CTNNA1: variants seen among roughly 807,000 people sequenced by gnomAD.
CTNNA1 encodes the protein catenin alpha 1.
A neutral mutation model predicts 98.4 loss-of-function variants in CTNNA1; 37 were observed. The ratio of observed to expected loss-of-function variants is 0.38; its 90% CI spans 0.29 to 0.49. The LOEUF (loss-of-function observed/expected upper bound fraction) is 0.49, where lower values mean the gene tolerates loss of function less well. Among genes scored for constraint, CTNNA1 ranks in the 20% least tolerant of loss-of-function variants. CTNNA1 has a pLI of 0.95. For synonymous variants in CTNNA1, 404 were observed against 413.2 expected, an observed-to-expected ratio of 0.98 and a Z score of 0.27; for missense variants, 761 against 1,147.2, an observed-to-expected ratio of 0.66 and a Z score of 4.86.
At chr5:138,921,798 A>G (rs1762969912) in intron 11 of CTNNA1, among the ~76,000 whole-genome samples, 1 of 151,598 alleles carries the variant, frequency 6.6e-6, no homozygotes, top group Non-Finnish European at 1.5e-5. Flanking sequence ...ACGGGGTTTC[A>G]CCATGTTGGC....
intron 1 of CTNNA1, among the ~76,000 whole-genome samples, chr5:138,765,732 C>T (rs1752854936): frequency 6.6e-6 from 1 of 151,554 alleles, no homozygotes; most frequent in African/African-American, 2.4e-5. Flanking sequence ...AGGTGGATCA[C>T]GAGGTCAAGA....
At chr5:138,831,188 C>T (rs746752843) in intron 7 of CTNNA1, among the ~76,000 whole-genome samples, 21 of 152,108 alleles carry the variant, frequency 1.4e-4, no homozygotes, top group Admixed American at 4.6e-4. Flanking sequence ...CTTCTTTCTT[C>T]GTTTTGTGTT....
Position 138,930,945 on chromosome 5 carries a change from A to AGACTT in CTNNA1, c.2298+12_2298+16dup, listed in dbSNP as rs770911460. The stretch of plus-strand genomic sequence containing the variant: ...CACCATTGCAGACCATGTAAGTGAC[A>AGACTT]GACTTGCCAGGTGGGTCTCCAAGCT... On this transcript the variant is annotated intron_variant, in intron 16 of 17. Transcript: ENST00000302763. The AGACTT allele has an allele frequency of 6.3e-7, 1 of 1,592,914 alleles. No homozygotes were observed. Among genetic ancestry groups the AGACTT allele is most frequent in the South Asian group, 1.1e-5 (1 of 90,648 alleles).
At chr5:138,766,682 C>G (rs548270676) in intron 1 of CTNNA1, among the ~76,000 whole-genome samples, 1 of 151,676 alleles carries the variant, frequency 6.6e-6, no homozygotes, top group African/African-American at 2.4e-5. Context: ...CTTTGGTCAG[C>G]GGAGAAGGGG....
At chr5:138,759,805 A>G (rs143287300) in intron 1 of CTNNA1, among the ~76,000 whole-genome samples, 1 of 151,962 alleles carries the variant, frequency 6.6e-6, no homozygotes, top group East Asian at 1.9e-4. Context: ...AATTGACTGA[A>G]ATTAACCCAA....
chr5:138,794,598 CTTA>C (rs1756732765), intron 3 of CTNNA1, among the ~76,000 whole-genome samples: 1 of 152,152 alleles, frequency 6.6e-6, no homozygotes, highest in East Asian at 1.9e-4. Flanking sequence ...TTGGTTCCTT[CTTA>C]TAAGGGCTGT....
intron 1 of CTNNA1, among the ~76,000 whole-genome samples, chr5:138,764,937 G>A (rs1289737982): frequency 4.3e-5 from 6 of 139,608 alleles, no homozygotes; most frequent in Non-Finnish European, 7.5e-5. Context: ...GCAGTGATGC[G>A]ATCTCTCTTC....
intron 3 of CTNNA1, 38 bp from the exon 4 acceptor site, chr5:138,810,000 T>A (rs761154925): frequency 7.0e-6 from 11 of 1,568,892 alleles, no homozygotes; most frequent in Non-Finnish European, 8.7e-6. Context: ...TTATTTGAGT[T>A]CATTCTTGCT....
chr5:138,879,163 T>C (rs1752318842), intron 7 of CTNNA1, among the ~76,000 whole-genome samples: 1 of 112,824 alleles, frequency 8.9e-6, no homozygotes, highest in Non-Finnish European at 1.7e-5. Flanking sequence ...AGAGTGAGAC[T>C]CCGTCTTTAA....
At position 138,810,089 on chromosome 5, in the gene CTNNA1, C is replaced by T; in HGVS notation, c.353C>T (p.Ser118Phe). 6.2e-7 allele frequency: 1 copy of T among 1,614,176 alleles called. No individual in the cohort carries two copies. The change falls in exon 4 of 18, where the codon TCT becomes TTT. Residue 118 changes from serine (S) to phenylalanine (F), a missense_variant. This residue lies in a region of CTNNA1 where 328 missense variants were observed against 354.3 expected (regional missense o/e 0.93). Coordinates refer to ENST00000302763, the MANE Select transcript of CTNNA1 (RefSeq NM_001903.5). Reference sequence around the variant, plus strand: ...GAGTTCGCAGATGATCCCTGCTCTTCTGTGAAGCGAGGCAACATGGTTCGG... The same window carrying T: ...GAGTTCGCAGATGATCCCTGCTCTTTTGTGAAGCGAGGCAACATGGTTCGG... The part of the protein sequence containing the change: ...AGEFADDPCS[S>F]VKRGNMVRAA...
intron 7 of CTNNA1, among the ~76,000 whole-genome samples, chr5:138,847,046 T>G (rs1189365052): frequency 6.6e-6 from 1 of 152,220 alleles, no homozygotes; most frequent in Non-Finnish European, 1.5e-5. Flanking sequence ...GTATTTTGGT[T>G]GAAATATTGG....
intron 3 of CTNNA1, among the ~76,000 whole-genome samples, chr5:138,788,813 T>G (rs1294672527): frequency 6.6e-6 from 1 of 152,024 alleles, no homozygotes; most frequent in Non-Finnish European, 1.5e-5. Context: ...AGTGGAGTGA[T>G]GAGGAACAGC....
rs762712870 is a variant in CTNNA1, at chr5:138,783,218, TAAG to T, written c.152_154del (p.Lys51del). On this transcript the variant is annotated inframe_deletion, in exon 3 of 18. Transcript: ENST00000302763. ...ACACCAATAGTAAAGGGCCCTCTAA[TAAG>T]AAGAGAGGTCGTTCTAAGAAGGCCC... is the stretch of plus-strand genomic sequence containing the variant. The T allele has an allele frequency of 3.0e-5, 48 of 1,613,580 alleles. No individual in the cohort carries two copies. Among genetic ancestry groups the T allele is most frequent in the East Asian group, 2.2e-5 (1 of 44,880 alleles).
intron 9 of CTNNA1, among the ~76,000 whole-genome samples, chr5:138,901,966 A>T (rs1158484835): frequency 2.0e-5 from 3 of 152,220 alleles, no homozygotes; most frequent in African/African-American, 7.2e-5. Context: ...AAGCTCATTC[A>T]TCTGGAGAAG....
At chr5:138,784,928 A>G (rs1755509554) in intron 3 of CTNNA1, among the ~76,000 whole-genome samples, 1 of 152,238 alleles carries the variant, frequency 6.6e-6, no homozygotes, top group African/African-American at 2.4e-5. Flanking sequence ...TTAATCCAGT[A>G]TAACCTCATC....
intron 7 of CTNNA1, among the ~76,000 whole-genome samples, chr5:138,876,240 G>A (rs79480089): frequency 2.0e-5 from 3 of 152,166 alleles, no homozygotes; most frequent in Admixed American, 6.5e-5. Context: ...GAGGTTGGTG[G>A]TTGTGACACT....
intron 1 of CTNNA1, among the ~76,000 whole-genome samples, chr5:138,774,386 C>T (rs749872735): frequency 1.3e-4 from 20 of 152,048 alleles, no homozygotes; most frequent in South Asian, 2.1e-4. Flanking sequence ...TTGTCACTAA[C>T]GTTAAAGTTG....
At chr5:138,837,397 C>T (rs1159701878) in intron 7 of CTNNA1, among the ~76,000 whole-genome samples, 5 of 151,880 alleles carry the variant, frequency 3.3e-5, no homozygotes, top group African/African-American at 9.7e-5. Flanking sequence ...CAGCCATACT[C>T]ATTTAGTTGT....
chr5:138,932,957 G>A (rs1308941215), intron 17 of CTNNA1: 4 of 770,136 alleles, frequency 5.2e-6, no homozygotes, highest in Non-Finnish European at 9.5e-6. Flanking sequence ...GCCACTCACT[G>A]GGTAGGAATT....
Sources: gnomAD v4.1 joint callset for allele counts (sites outside exome capture counted in the v4.1 genomes callset) on GRCh38, gnomAD v4.1.1 for gene constraint, gnomAD v4.1.1 regional missense constraint, MANE v1.5 for transcripts, NCBI Gene and HGNC (gene_info 2026-07-23, HGNC 2026-07-21) for gene names.